DCC: variants seen among roughly 807,000 people sequenced by gnomAD.
DCC encodes netrin receptor DCC.
A neutral mutation model predicts 172.5 loss-of-function variants in DCC; 58 were observed. The ratio of observed to expected loss-of-function variants is 0.34; its 90% CI spans 0.27 to 0.42. The LOEUF is 0.42. DCC is among the 10% of genes least tolerant of loss of function. The pLI is 1.00. For synonymous variants in DCC, 709 were observed against 644.5 expected, an observed-to-expected ratio of 1.10 and a Z score of -1.52; for missense variants, 1,740 against 1,791.0, an observed-to-expected ratio of 0.97 and a Z score of 0.51.
intron 7 of DCC, among the ~76,000 whole-genome samples, chr18:53,114,866 A>G (rs537688319): frequency 2.0e-4 from 30 of 151,616 alleles, no homozygotes; most frequent in Non-Finnish European, 3.2e-4. Flanking sequence ...AATACAGATG[A>G]AGAAATTTTT....
intron 5 of DCC, among the ~76,000 whole-genome samples, chr18:53,027,653 A>G (rs1024377707): frequency 2.0e-5 from 3 of 151,928 alleles, no homozygotes; most frequent in Admixed American, 6.6e-5. Flanking sequence ...AGCAGCAGTC[A>G]TTTCCATTTT....
At position 53,530,241 on chromosome 18, in the gene DCC, G is replaced by T. The variant is rs151282878; in HGVS notation, c.4255-323G>T. 9.1e-5 allele frequency: 61 copies of T among 668,134 alleles called. 1 individual carries two copies. In the Middle Eastern group the frequency reaches 1.7e-3, roughly 18 times the overall value. The allele number at this position is 668,134 out of a possible 1,614,324, so 41.4% of individuals were successfully genotyped here. On this transcript the variant is annotated intron_variant, in intron 28 of 28. Transcript: ENST00000442544. ...TCATTTTATAGATGAAGAAAATTAC[G>T]TATCAGAGAGGTGCACTCACTTGTC...
chr18:52,543,123 A>C (rs1651082022), intron 1 of DCC, among the ~76,000 whole-genome samples: 1 of 152,214 alleles, frequency 6.6e-6, no homozygotes, highest in Non-Finnish European at 1.5e-5. Context: ...GAGGCTAGAC[A>C]GAATGTTTAA....
rs35576265 is a variant in DCC at position 53,282,308 on chromosome 18, CTG to C, written c.1912-23268_1912-23267del. 7.5e-3 allele frequency among the ~76,000 whole-genome samples: 1,135 copies of C among 152,284 alleles called. 7 individuals carry two copies. The highest frequency in any genetic ancestry group is 0.013 in the Non-Finnish European group (882 of 68,024). ...GCAAGACTGTCCTGCTTCTACCACA[CTG>C]TTTTCCAGGCAAGAGCATCTGATAA... On this transcript the variant is annotated intron_variant, in intron 12 of 28. Transcript: ENST00000442544.
chr18:52,879,412 C>CCTTTTTTTTTTTTTTTTTTTT (rs2039447955), intron 2 of DCC, among the ~76,000 whole-genome samples: 3 of 62,356 alleles, frequency 4.8e-5, no homozygotes, highest in Admixed American at 1.9e-4. Context: ...TGTTGTTTGG[C>CCTTTTTTTTTTTTTTTTTTTT]TTTTTTTTTT....
At chr18:52,968,027 C>T (rs1598981329) in intron 5 of DCC, among the ~76,000 whole-genome samples, 1 of 152,096 alleles carries the variant, frequency 6.6e-6, no homozygotes, top group East Asian at 1.9e-4. Flanking sequence ...TTGTTAGAGC[C>T]AACAGAATAA....
At chr18:53,226,949 T>TATATATATATATATATATA (rs1555734428) in intron 12 of DCC, among the ~76,000 whole-genome samples, 5 of 47,468 alleles carry the variant, frequency 1.1e-4, no homozygotes, top group African/African-American at 2.3e-4. Context: ...TATATATATA[T>TATATATATATATATATATA]TTTTTTTTTT....
At chr18:52,401,940 C>T (rs545881458) in intron 1 of DCC, among the ~76,000 whole-genome samples, 20 of 151,992 alleles carry the variant, frequency 1.3e-4, no homozygotes, top group African/African-American at 4.1e-4. Flanking sequence ...ATTAATACAA[C>T]GAACTGCCTT....
chr18:53,178,904 A>G, intron 8 of DCC, 58 bp from the exon 9 acceptor site: 10 of 1,599,682 alleles, frequency 6.3e-6, no homozygotes, highest in Non-Finnish European at 8.6e-6. Context: ...TCAAATACAG[A>G]TTTTGGCTGA....
intron 5 of DCC, among the ~76,000 whole-genome samples, chr18:53,039,234 T>C (rs1439471881): frequency 1.3e-5 from 2 of 152,038 alleles, no homozygotes; most frequent in Non-Finnish European, 2.9e-5. Context: ...TCCAGGTCTC[T>C]GCACAATGCC....
intron 2 of DCC, among the ~76,000 whole-genome samples, chr18:52,789,957 A>G (rs1380304834): frequency 6.6e-6 from 1 of 152,192 alleles, no homozygotes; most frequent in African/African-American, 2.4e-5. Context: ...GAAGGCTACA[A>G]AATTTTGACC....
At chr18:52,611,431 A>T (rs2034275912) in intron 1 of DCC, among the ~76,000 whole-genome samples, 1 of 152,172 alleles carries the variant, frequency 6.6e-6, no homozygotes, top group Non-Finnish European at 1.5e-5. Context: ...AGGCAGATGA[A>T]TTCTTTCATT....
At chr18:52,698,620 TCTCA>T (rs2036050180) in intron 1 of DCC, among the ~76,000 whole-genome samples, 1 of 151,496 alleles carries the variant, frequency 6.6e-6, no homozygotes, top group Non-Finnish European at 1.5e-5. Flanking sequence ...TGAGATGGAG[TCTCA>T]CTCTGTCACT....
chr18:52,699,663 G>A (rs1351216494), intron 1 of DCC, among the ~76,000 whole-genome samples: 1 of 152,180 alleles, frequency 6.6e-6, no homozygotes, highest in African/African-American at 2.4e-5. Context: ...TTGGTGGTAA[G>A]AAAGGTAGGC....
At chr18:52,763,687 T>C (rs2037198139) in intron 2 of DCC, among the ~76,000 whole-genome samples, 1 of 152,226 alleles carries the variant, frequency 6.6e-6, no homozygotes, top group Non-Finnish European at 1.5e-5. Flanking sequence ...ATTAGAATAT[T>C]CATAAAATCG....
intron 1 of DCC, among the ~76,000 whole-genome samples, chr18:52,466,748 C>A: frequency 6.6e-6 from 1 of 152,178 alleles, no homozygotes; most frequent in East Asian, 1.9e-4. Flanking sequence ...TTAGAACACA[C>A]TGCATAGCTA....
chr18:52,343,538 G>C (rs890289395), intron 1 of DCC, among the ~76,000 whole-genome samples: 1 of 152,284 alleles, frequency 6.6e-6, no homozygotes, highest in East Asian at 1.9e-4. Flanking sequence ...GTTGGGGGAG[G>C]AGGATGGTGA....
chr18:53,414,149 T>C (rs1910157014), intron 20 of DCC, among the ~76,000 whole-genome samples: 4 of 152,188 alleles, frequency 2.6e-5, no homozygotes, highest in Admixed American at 2.0e-4. Context: ...AAAATGTTTG[T>C]TAAATCTTGA....
At chr18:53,176,849 A>C (rs1350879413) in intron 8 of DCC, among the ~76,000 whole-genome samples, 3 of 151,762 alleles carry the variant, frequency 2.0e-5, no homozygotes, top group Non-Finnish European at 4.4e-5. Context: ...AAAGGACTAT[A>C]AATCATTCTG....
Sources: gnomAD v4.1 joint callset for allele counts (sites outside exome capture counted in the v4.1 genomes callset) on GRCh38, gnomAD v4.1.1 for gene constraint, MANE v1.5 for transcripts, NCBI Gene and HGNC (gene_info 2026-07-23, HGNC 2026-07-21) for gene names.